ACTRT3: variants seen among roughly 807,000 people sequenced by gnomAD.
ACTRT3 encodes the protein actin related protein T3, also known as actin-related protein T3.
Under a neutral mutation model 17.6 loss-of-function variants are expected in ACTRT3, and 15 were observed. The ratio of observed to expected loss-of-function variants is 0.85; its 90% CI spans 0.57 to 1.31. The LOEUF (loss-of-function observed/expected upper bound fraction) is 1.31, where lower values mean the gene tolerates loss of function less well. Among genes scored for constraint, ACTRT3 ranks in the 50% most tolerant of loss-of-function variants. The pLI, the probability that ACTRT3 is intolerant of heterozygous loss-of-function variation, is 0.00. For synonymous variants in ACTRT3, 169 were observed against 176.4 expected, an observed-to-expected ratio of 0.96 and a Z score of 0.33; for missense variants, 457 against 466.7, an observed-to-expected ratio of 0.98 and a Z score of 0.19.
In ACTRT3 at chr3:169,767,995, T is replaced by C; in HGVS notation, c.556A>G (p.Asn186Asp). The change falls in exon 2 of 2, where the codon AAC becomes GAC. Residue 186 changes from asparagine (N) to aspartate (D), a missense_variant. By Grantham distance (23) the Asn-to-Asp change is conservative (BLOSUM62 1). Coordinates refer to ENST00000330368, the MANE Select transcript of ACTRT3 (RefSeq NM_032487.5). The part of the protein sequence containing the change: ...QLDLAGLDLT[N>D]YLMVLMKNHG... ...TTCTTCATTAGCACCATGAGGTAGTTGGTGAGGTCAAGGCCTGCCAGATCC... is the reference window on the plus strand; with the variant it reads ...TTCTTCATTAGCACCATGAGGTAGTCGGTGAGGTCAAGGCCTGCCAGATCC... 1 of 1,614,146 alleles carries C rather than the reference T, an allele frequency of 6.2e-7. No individual in the cohort carries two copies. Among genetic ancestry groups the C allele is most frequent in the South Asian group, 1.1e-5 (1 of 91,078 alleles).
chr3:169,768,719 G>T (rs891208155), intron 1 of ACTRT3, among the ~76,000 whole-genome samples: 7 of 151,930 alleles, frequency 4.6e-5, no homozygotes, highest in South Asian at 2.1e-4. Flanking sequence ...TAGTAGAGAC[G>T]GGGTTTCACC....
rs749312407 is a variant in ACTRT3, at chr3:169,767,858, A to G, written c.693T>C (p.Asp231=). ...NYEEEMAKKP[D]CLEKVYQLPD... ...GTAGTTGGTAAACTTTCTCTAGACA[A>G]TCGGGTTTCTTGGCCATTTCCTCTT... The change falls in exon 2 of 2, where the codon GAT becomes GAC. Residue 231 remains aspartate, a synonymous_variant. Transcript: ENST00000330368. 8.1e-6 allele frequency: 13 copies of G among 1,614,056 alleles called. No individual in the cohort carries two copies. The highest frequency in any genetic ancestry group is 2.2e-5 in the South Asian group (2 of 91,082).
rs1227115944 is a variant in ACTRT3 at position 169,767,799 on chromosome 3, A to T, written c.752T>A (p.Leu251His). Residue 251 changes from leucine to histidine, a missense_variant, in exon 2 of 2, where the codon CTC becomes CAC. By Grantham distance (99) the Leu-to-His change is moderately conservative (BLOSUM62 -3). Coordinates refer to ENST00000330368, the MANE Select transcript of ACTRT3 (RefSeq NM_032487.5). ...DGKVIQLHDQ[L>H]FSCPEALFSP... is the part of the protein sequence containing the mutation. ...GAAGAGGGCCTCTGGACAAGAAAAG[A>T]GCTGGTCATGGAGCTGGATGACCTT... 1.9e-6 allele frequency: 3 copies of T among 1,614,168 alleles called. No individual in the cohort carries two copies. The highest frequency in any genetic ancestry group is 2.5e-6 in the Non-Finnish European group (3 of 1,180,024).
At chr3:169,769,167 C>T (rs1778033981) in intron 1 of ACTRT3, among the ~76,000 whole-genome samples, 154 bp downstream of exon 1, 1 of 131,632 alleles carries the variant, frequency 7.6e-6, no homozygotes, top group South Asian at 2.7e-4. Context: ...TGCGCACCTC[C>T]TTTGGGGTCC....
At position 169,767,458 on chromosome 3, in the gene ACTRT3, T is replaced by C. The variant is rs779261947; in HGVS notation, c.1093A>G (p.Asn365Asp). 1 of 1,604,768 alleles carries C rather than the reference T, an allele frequency of 6.2e-7. No individual in the cohort carries two copies. Among genetic ancestry groups the C allele is most frequent in the South Asian group, 1.1e-5 (1 of 89,880 alleles). Residue 365 changes from asparagine to aspartate, a missense_variant, in exon 2 of 2, where the codon AAC becomes GAC. Physicochemically the swap from Asn to Asp is conservative, Grantham distance 23. Transcript: ENST00000330368. ...CAGAAGCATCTTTGGTGTACTATGT[T>C]GGGTCCAACTTCTTTAAATTCTGCA... ...TAAEFKEVGP[N>D]IVHQRCF
In ACTRT3 at chr3:169,767,620, C is replaced by G. The variant is rs752535201; in HGVS notation, c.931G>C (p.Val311Leu). Residue 311 changes from valine (V) to leucine (L), a missense_variant, in exon 2 of 2, where the codon GTT becomes CTT. Coordinates refer to ENST00000330368, the MANE Select transcript of ACTRT3 (RefSeq NM_032487.5). The part of the protein sequence containing the change: ...TSFPGLDKRL[V>L]KDIAKVAPAN... Reference sequence around the variant, plus strand: ...GGAGCCACCTTTGCTATATCCTTAACTAACCGCTTGTCTAAACCAGGGAAA... The same window carrying G: ...GGAGCCACCTTTGCTATATCCTTAAGTAACCGCTTGTCTAAACCAGGGAAA... 6.2e-6 allele frequency: 10 copies of G among 1,613,774 alleles called. No homozygotes were observed. Among genetic ancestry groups the G allele is most frequent in the African/African-American group, 1.3e-5 (1 of 75,022 alleles).
intron 1 of ACTRT3, among the ~76,000 whole-genome samples, chr3:169,768,831 C>G (rs1465424925): frequency 6.6e-6 from 1 of 152,114 alleles, no homozygotes; most frequent in African/African-American, 2.4e-5. Context: ...CCCGGCCTAC[C>G]TCTGCGATTT....
chr3:169,767,333 A>G lies in ACTRT3; in HGVS notation c.*99T>C. 1.8e-6 allele frequency: 2 copies of G among 1,090,030 alleles called. No homozygotes were observed. The highest frequency in any genetic ancestry group is 2.6e-6 in the Non-Finnish European group (2 of 780,056). The allele number at this position is 1,090,030 out of a possible 1,614,324, so 67.5% of individuals were successfully genotyped here. A position where few individuals can be genotyped will look rare whatever the true frequency, so the allele number is the denominator to read the frequency against. ...ATACAACAGAAATATTGGCATCCCA[A>G]TAGGTGAAGTATTTTCTCTTCTCCC... On this transcript the variant is annotated 3_prime_UTR_variant, in exon 2 of 2. Coordinates refer to ENST00000330368, the MANE Select transcript of ACTRT3 (RefSeq NM_032487.5).
In ACTRT3 at chr3:169,768,357, G is replaced by A. The variant is rs201205431; in HGVS notation, c.201-7C>T. 528 of 1,596,976 alleles carry A rather than the reference G, an allele frequency of 3.3e-4. 3 individuals are homozygous for A. Among genetic ancestry groups the A allele is most frequent in the Middle Eastern group, 1.7e-4 (1 of 5,986 alleles). ...ACCACGCTCCACTGGGTAACTGTAA[G>A]GAAAGCAATAAGATCAATGACAGCT... On this transcript the variant is annotated splice_region_variant and splice_polypyrimidine_tract_variant and intron_variant, in intron 1 of 1. Transcript: ENST00000330368.
Position 169,767,690 on chromosome 3 carries a change from C to T in ACTRT3, c.861G>A (p.Arg287=). The T allele has an allele frequency of 6.2e-7, 1 of 1,613,870 alleles. No individual in the cohort carries two copies. Among genetic ancestry groups the T allele is most frequent in the Non-Finnish European group, 8.5e-7 (1 of 1,179,984 alleles). The part of the protein sequence containing the change: ...SSIMKCDTGL[R]NSFFSNIILA... ...GGATAATATTGGAAAAGAAGGAATT[C>T]CTCAGGCCTGTATCACATTTCATTA... Residue 287 remains arginine, a synonymous_variant, in exon 2 of 2, where the codon AGG becomes AGA. Coordinates refer to ENST00000330368, the MANE Select transcript of ACTRT3 (RefSeq NM_032487.5).
rs763865259 is a variant in ACTRT3 at position 169,768,269 on chromosome 3, C to G, written c.282G>C (p.Lys94Asn). The G allele has an allele frequency of 3.1e-6, 5 of 1,613,740 alleles. No individual in the cohort carries two copies. In the African/African-American group the frequency reaches 5.3e-5, roughly 17 times the overall value. ...MWKHIYDYNL[K>N]LKPCDGPVLI... ...AGACTGGGCCATCACACGGCTTCAG[C>G]TTTAGGTTATAGTCATAGATATGCT... Residue 94 changes from lysine to asparagine, a missense_variant, in exon 2 of 2, where the codon AAG (lysine) becomes AAC (asparagine). Physicochemically the swap from Lys to Asn is moderately conservative, Grantham distance 94. Transcript: ENST00000330368.
At chr3:169,768,492 G>T in intron 1 of ACTRT3, 142 bp from the exon 2 acceptor site, 1 of 776,328 alleles carries the variant, frequency 1.3e-6, no homozygotes, top group Non-Finnish European at 2.0e-6. Flanking sequence ...GCAGGTAAGT[G>T]TCAGCCAAAA....
rs1778009223 is a variant in ACTRT3, at chr3:169,767,742, C to T, written c.809G>A (p.Gly270Asp). 1 of 1,613,922 alleles carries T rather than the reference C, an allele frequency of 6.2e-7. No individual in the cohort carries two copies. Among genetic ancestry groups the T allele is most frequent in the Non-Finnish European group, 8.5e-7 (1 of 1,180,024 alleles). ...GCTGCTGAAGCATATCTTATCAATGCCAGGGGCCTCAAGGTTCATATGACA... is the reference window on the plus strand; with the variant it reads ...GCTGCTGAAGCATATCTTATCAATGTCAGGGGCCTCAAGGTTCATATGACA... ...SPCHMNLEAP[G>D]IDKICFSSIM... Residue 270 changes from glycine to aspartate, a missense_variant, in exon 2 of 2, where the codon GGC becomes GAC. Physicochemically the swap from Gly to Asp is moderately conservative, Grantham distance 94. Coordinates refer to ENST00000330368, the MANE Select transcript of ACTRT3 (RefSeq NM_032487.5).
chr3:169,768,334 C>G lies in ACTRT3; in HGVS notation c.217G>C (p.Gly73Arg). 1 of 1,608,720 alleles carries G rather than the reference C, an allele frequency of 6.2e-7. No individual in the cohort carries two copies. ...SLFISYPVERGLITSWEDMEI... is the reference protein window; with the variant it reads ...SLFISYPVERRLITSWEDMEI... ...ATGTCCTCCCATGAAGTAATGAGAC[C>G]ACGCTCCACTGGGTAACTGTAAGGA... Residue 73 changes from glycine to arginine, a missense_variant, in exon 2 of 2, where the codon GGT (glycine) becomes CGT (arginine). By Grantham distance (125) the Gly-to-Arg change is moderately radical. Transcript: ENST00000330368.
In ACTRT3 at chr3:169,767,814, T is replaced by C; in HGVS notation, c.737A>G (p.Gln246Arg). Residue 246 changes from glutamine to arginine, a missense_variant, in exon 2 of 2, where the codon CAG (glutamine) becomes CGG (arginine). By Grantham distance (43) the Gln-to-Arg change is conservative. Transcript: ENST00000330368. Reference sequence around the variant, plus strand: ...ACAAGAAAAGAGCTGGTCATGGAGCTGGATGACCTTCCCATCAGGTAGTTG... The same window carrying C: ...ACAAGAAAAGAGCTGGTCATGGAGCCGGATGACCTTCCCATCAGGTAGTTG... ...VYQLPDGKVI[Q>R]LHDQLFSCPE... 1 of 1,614,196 alleles carries C rather than the reference T, an allele frequency of 6.2e-7. No homozygotes were observed. Among genetic ancestry groups the C allele is most frequent in the Non-Finnish European group, 8.5e-7 (1 of 1,180,018 alleles).
In ACTRT3 at chr3:169,769,479, C is replaced by T. The variant is rs774038094; in HGVS notation, c.42G>A (p.Ser14=). ...CQLPVVIDNG[S]GMIKAGVAGC... ...CAGCCACGCCCGCCTTGATCATTCCCGAGCCGTTGTCGATCACCACCGGTA... is the reference window on the plus strand; with the variant it reads ...CAGCCACGCCCGCCTTGATCATTCCTGAGCCGTTGTCGATCACCACCGGTA... Residue 14 remains serine (S), a synonymous_variant, in exon 1 of 2, where the codon TCG becomes TCA. Coordinates refer to ENST00000330368, the MANE Select transcript of ACTRT3 (RefSeq NM_032487.5). 6.2e-6 allele frequency: 10 copies of T among 1,610,784 alleles called. No homozygotes were observed. Among genetic ancestry groups the T allele is most frequent in the South Asian group, 1.1e-5 (1 of 90,980 alleles).
Position 169,767,536 on chromosome 3 carries a change from C to G in ACTRT3, c.1015G>C (p.Gly339Arg), listed in dbSNP as rs748852922. The change falls in exon 2 of 2, where the codon GGA (glycine) becomes CGA (arginine). Residue 339 changes from glycine to arginine, a missense_variant. Physicochemically the swap from Gly to Arg is moderately radical, Grantham distance 125. Coordinates refer to ENST00000330368, the MANE Select transcript of ACTRT3 (RefSeq NM_032487.5). ...PPERKISVWMGGSILASLSAF... is the reference protein window; with the variant it reads ...PPERKISVWMRGSILASLSAF... ...GACAAGGATGCAAGAATAGAACCTC[C>G]CATCCACACTGATATTTTCCTTTCT... The G allele has an allele frequency of 4.3e-6, 7 of 1,614,062 alleles. No homozygotes were observed. In the South Asian group the frequency reaches 6.6e-5, roughly 15 times the overall value.
rs895244989 is a variant in ACTRT3 at position 169,767,807 on chromosome 3, A to G, written c.744T>C (p.His248=). 8.1e-6 allele frequency: 13 copies of G among 1,614,074 alleles called. No homozygotes were observed. The Admixed American group carries it at 1.3e-4, about 17-fold the overall frequency. Residue 248 remains histidine, a synonymous_variant, in exon 2 of 2, where the codon CAT becomes CAC. Coordinates refer to ENST00000330368, the MANE Select transcript of ACTRT3 (RefSeq NM_032487.5). ...CCTCTGGACAAGAAAAGAGCTGGTCATGGAGCTGGATGACCTTCCCATCAG... is the reference window on the plus strand; with the variant it reads ...CCTCTGGACAAGAAAAGAGCTGGTCGTGGAGCTGGATGACCTTCCCATCAG... ...QLPDGKVIQL[H]DQLFSCPEAL...
In ACTRT3 at chr3:169,767,987, G is replaced by A. The variant is rs1778013420; in HGVS notation, c.564C>T (p.Leu188=). ...DLAGLDLTNY[L]MVLMKNHGIM... ...TACCATGGTTCTTCATTAGCACCATGAGGTAGTTGGTGAGGTCAAGGCCTG... is the reference window on the plus strand; with the variant it reads ...TACCATGGTTCTTCATTAGCACCATAAGGTAGTTGGTGAGGTCAAGGCCTG... The change falls in exon 2 of 2, where the codon CTC becomes CTT. Residue 188 remains leucine (L), a synonymous_variant. Coordinates refer to ENST00000330368, the MANE Select transcript of ACTRT3 (RefSeq NM_032487.5). 1 of 1,614,084 alleles carries A rather than the reference G, an allele frequency of 6.2e-7. No homozygotes were observed. Among genetic ancestry groups the A allele is most frequent in the Non-Finnish European group, 8.5e-7 (1 of 1,180,054 alleles).
Sources: gnomAD v4.1 joint callset for allele counts (sites outside exome capture counted in the v4.1 genomes callset) on GRCh38, gnomAD v4.1.1 for gene constraint, MANE v1.5 for transcripts, NCBI Gene and HGNC (gene_info 2026-07-23, HGNC 2026-07-21) for gene names.